HS3ST4: variants seen among roughly 807,000 people sequenced by gnomAD.
The protein encoded by HS3ST4 is heparan sulfate glucosamine 3-O-sulfotransferase 4.
Under a neutral mutation model 29.2 loss-of-function variants are expected in HS3ST4, and 17 were observed. The ratio of observed to expected loss-of-function variants is 0.58; its 90% confidence interval spans 0.40 to 0.87. The LOEUF is 0.87. HS3ST4 is among the 40% of genes least tolerant of loss of function. The pLI is 0.00. For missense variants in HS3ST4, 627 were observed against 634.5 expected (o/e 0.99, Z 0.13); for synonymous variants, 314 against 285.7 (o/e 1.10, Z -1.00).
intron 1 of HS3ST4, among the ~76,000 whole-genome samples, chr16:26,100,110 G>T (rs1898973904): frequency 6.6e-6 from 1 of 152,066 alleles, no homozygotes; most frequent in Non-Finnish European, 1.5e-5. Context: ...ATACAGACGG[G>T]AAGAACTGAC....
At chr16:25,898,232 T>G (rs1421377645) in intron 1 of HS3ST4, among the ~76,000 whole-genome samples, 1 of 152,256 alleles carries the variant, frequency 6.6e-6, no homozygotes, top group Non-Finnish European at 1.5e-5. Flanking sequence ...AAACTCACCT[T>G]GCTTGCAAAC....
At chr16:25,861,773 A>T (rs1967639908) in intron 1 of HS3ST4, among the ~76,000 whole-genome samples, 1 of 152,172 alleles carries the variant, frequency 6.6e-6, no homozygotes, top group South Asian at 2.1e-4. Context: ...TAATTTTACC[A>T]CTTATCCTCC....
At chr16:26,000,488 GAC>G (rs1419839528) in intron 1 of HS3ST4, among the ~76,000 whole-genome samples, 1 of 152,182 alleles carries the variant, frequency 6.6e-6, no homozygotes, top group Non-Finnish European at 1.5e-5. Context: ...GCATTTCTGT[GAC>G]TAAGGAGACA....
In HS3ST4 at chr16:25,726,381, T is replaced by C. The variant is rs555102661; in HGVS notation, c.734+33230T>C. ...TTACTTGATGTTATACAGTTGAACA[T>C]GTAAATTGCTTTCAATGTTTTTCTA... is the stretch of plus-strand genomic sequence containing the variant. On this transcript the variant is annotated intron_variant, in intron 1 of 1. Transcript: ENST00000331351. Among the ~76,000 whole-genome samples, 3 of 152,300 alleles carry C rather than the reference T, an allele frequency of 2.0e-5. No homozygotes were observed. In the South Asian group the frequency reaches 6.2e-4, roughly 32 times the overall value.
chr16:25,786,416 C>T (rs1188217765), intron 1 of HS3ST4, among the ~76,000 whole-genome samples: 1 of 152,146 alleles, frequency 6.6e-6, no homozygotes, highest in African/African-American at 2.4e-5. Flanking sequence ...AAAAAATGGG[C>T]ATGCAACATT....
chr16:25,822,801 G>C (rs1006158527), intron 1 of HS3ST4, among the ~76,000 whole-genome samples: 2 of 151,814 alleles, frequency 1.3e-5, no homozygotes, highest in South Asian at 2.1e-4. Flanking sequence ...GCAGTGGTGC[G>C]ATCTCAGCTC....
intron 1 of HS3ST4, among the ~76,000 whole-genome samples, chr16:25,711,271 G>A (rs984345811): frequency 3.9e-5 from 6 of 152,102 alleles, no homozygotes; most frequent in Admixed American, 3.9e-4. Flanking sequence ...CCTGCTGTGC[G>A]TTGGCAGTTT....
chr16:26,035,126 G>A (rs886711298), intron 1 of HS3ST4, among the ~76,000 whole-genome samples: 2 of 152,192 alleles, frequency 1.3e-5, no homozygotes, highest in East Asian at 1.9e-4. Flanking sequence ...ATTAGCAGTG[G>A]TAAAATTCGG....
At chr16:26,086,212 C>CT (rs1229099699) in intron 1 of HS3ST4, among the ~76,000 whole-genome samples, 1 of 152,002 alleles carries the variant, frequency 6.6e-6, no homozygotes, top group African/African-American at 2.4e-5. Flanking sequence ...CCCTCTTGTT[C>CT]TTTTTTATTT....
chr16:25,960,109 C>G (rs1968779838), intron 1 of HS3ST4, among the ~76,000 whole-genome samples: 1 of 152,164 alleles, frequency 6.6e-6, no homozygotes. Flanking sequence ...GCACTCCAGC[C>G]TGGGCAACAA....
At chr16:25,814,404 T>C (rs1372780335) in intron 1 of HS3ST4, among the ~76,000 whole-genome samples, 2 of 152,018 alleles carry the variant, frequency 1.3e-5, no homozygotes, top group African/African-American at 4.8e-5. Context: ...TGGAGTGCAG[T>C]GGCGCAATAT....
chr16:25,999,785 ATATATTTTATATATATTATATG>A (rs1170116203), intron 1 of HS3ST4, among the ~76,000 whole-genome samples: 2 of 137,972 alleles, frequency 1.4e-5, no homozygotes, highest in African/African-American at 2.7e-5. Flanking sequence ...TATATATTAT[ATATATTTTATATATATTATATG>A]TATATTTTAT....
intron 1 of HS3ST4, among the ~76,000 whole-genome samples, chr16:26,127,302 C>A (rs1043739879): frequency 6.6e-6 from 1 of 152,184 alleles, no homozygotes; most frequent in Non-Finnish European, 1.5e-5. Flanking sequence ...TGCTGCCATG[C>A]CTTAAGACCT....
chr16:26,110,171 TTCACTTAGCATAA>T (rs1315299178), intron 1 of HS3ST4, among the ~76,000 whole-genome samples: 11 of 152,226 alleles, frequency 7.2e-5, no homozygotes, highest in Non-Finnish European at 1.5e-4. Flanking sequence ...TCTTGCTTAT[TTCACTTAGCATAA>T]TGTCCTCCAG....
At chr16:25,891,857 CACTTACT>C in intron 1 of HS3ST4, among the ~76,000 whole-genome samples, 1 of 152,192 alleles carries the variant, frequency 6.6e-6, no homozygotes, top group East Asian at 1.9e-4. Flanking sequence ...GCGACTTCAC[CACTTACT>C]AGCTGAGTGA....
intron 1 of HS3ST4, among the ~76,000 whole-genome samples, chr16:25,916,642 A>AT (rs1384395092): frequency 6.8e-6 from 1 of 147,596 alleles, no homozygotes; most frequent in Non-Finnish European, 1.5e-5. Flanking sequence ...GATTATGGGC[A>AT]TGAGCCACCG....
At chr16:26,022,724 G>A (rs1453854442) in intron 1 of HS3ST4, among the ~76,000 whole-genome samples, 1 of 150,202 alleles carries the variant, frequency 6.7e-6, no homozygotes, top group Non-Finnish European at 1.5e-5. Context: ...TGCCCAGGCT[G>A]GTCTCAAACT....
intron 1 of HS3ST4, among the ~76,000 whole-genome samples, chr16:25,812,016 G>A (rs924513902): frequency 1.3e-5 from 2 of 152,150 alleles, no homozygotes; most frequent in Non-Finnish European, 2.9e-5. Flanking sequence ...TTAGTGCTGT[G>A]TAGTATTCCA....
chr16:25,975,697 C>G (rs1284927371), intron 1 of HS3ST4, among the ~76,000 whole-genome samples: 1 of 152,186 alleles, frequency 6.6e-6, no homozygotes, highest in East Asian at 1.9e-4. Context: ...CCAATTCACT[C>G]TTCTCATGGG....
Sources: allele counts gnomAD v4.1 joint callset (sites outside exome capture counted in the v4.1 genomes callset), GRCh38; gene constraint gnomAD v4.1.1; transcripts MANE v1.5; gene names NCBI Gene and HGNC (gene_info 2026-07-23, HGNC 2026-07-21).